TPI1: variants seen among roughly 807,000 people sequenced by gnomAD.
TPI1 encodes the protein triosephosphate isomerase 1, also known as triosephosphate isomerase.
Under a neutral mutation model 31.0 loss-of-function variants are expected in TPI1, and 11 were observed. The ratio of observed to expected loss-of-function variants is 0.36; its 90% CI spans 0.22 to 0.59. TPI1 has a LOEUF of 0.59. Ranked by LOEUF, TPI1 falls within the 20% of genes least tolerant of loss-of-function variation. TPI1 has a pLI of 0.79. For synonymous variants in TPI1, 121 were observed against 122.8 expected, an observed-to-expected ratio of 0.99 and a Z score of 0.10; for missense variants, 245 against 319.7, an observed-to-expected ratio of 0.77 and a Z score of 1.78.
In TPI1 at chr12:6,869,680, C is replaced by T. The variant is rs782759986; in HGVS notation, c.458-8C>T. ...ACCCTTCCCTCCATCTGTATCTCTG[C>T]CCTGCAGATAACGTGAAGGACTGGA... On this transcript the variant is annotated splice_polypyrimidine_tract_variant and splice_region_variant and intron_variant, in intron 4 of 6. Transcript: ENST00000396705. 1 of 1,614,104 alleles carries T rather than the reference C, an allele frequency of 6.2e-7. No homozygotes were observed. Among genetic ancestry groups the T allele is most frequent in the South Asian group, 1.1e-5 (1 of 91,086 alleles).
chr12:6,868,833 T>C (rs782419508), intron 1 of TPI1, 31 bp from the exon 2 acceptor site: 123 of 1,604,578 alleles, frequency 7.7e-5, no homozygotes, highest in Non-Finnish European at 1.0e-4. Flanking sequence ...TTCTTTAGTC[T>C]CATCCCCCTG....
intron 4 of TPI1, 48 bp downstream of exon 4, chr12:6,869,438 C>G: frequency 6.2e-7 from 1 of 1,613,168 alleles, no homozygotes; most frequent in Non-Finnish European, 8.5e-7. Context: ...GCCACAGAGA[C>G]TCAGAGGGTA....
Position 6,868,056 on chromosome 12 carries a change from T to C in TPI1, c.115+375T>C, listed in dbSNP as rs149223032. ...TGGGCCGCGTGGGCTTCCCGCTCCC[T>C]GCGCCCTGGCCTCCCGCGCCGTGCG... On this transcript the variant is annotated intron_variant, in intron 1 of 6. Coordinates refer to ENST00000396705, the MANE Select transcript of TPI1 (RefSeq NM_000365.6). 290 of 1,223,694 alleles carry C rather than the reference T, an allele frequency of 2.4e-4. 13 individuals are homozygous for C. The East Asian group carries it at 0.015, about 62-fold the overall frequency. 75.8% of individuals were successfully genotyped at this position (1,223,694 alleles called of 1,614,324 possible).
chr12:6,867,984 C>T (rs1289574479), intron 1 of TPI1: 8 of 1,037,590 alleles, frequency 7.7e-6, no homozygotes, highest in South Asian at 1.9e-5. Flanking sequence ...CGCCAGGCGA[C>T]GGGGTTAGGA....
rs150585849 is a variant in TPI1 at position 6,869,381 on chromosome 12, G to T, written c.448G>T (p.Val150Phe). Residue 150 changes from valine (V) to phenylalanine (F), a missense_variant, in exon 4 of 7, where the codon GTC becomes TTC. Around this residue, in one of 3 missense-constraint regions of TPI1, gnomAD observed 127 missense variants for 163.7 expected, o/e 0.78. Coordinates refer to ENST00000396705, the MANE Select transcript of TPI1 (RefSeq NM_000365.6). ...TEKVVFEQTK[V>F]IADNVKDWSK... is the part of the protein sequence containing the mutation. ...GAAGGTTGTTTTCGAGCAGACAAAGGTCATCGCAGGTATCTCTGGAGAAAG... is the reference window on the plus strand; with the variant it reads ...GAAGGTTGTTTTCGAGCAGACAAAGTTCATCGCAGGTATCTCTGGAGAAAG... 1,366 of 1,614,112 alleles carry T rather than the reference G, an allele frequency of 8.5e-4. 1 individual carries two copies. The highest frequency in any genetic ancestry group is 1.1e-3 in the Non-Finnish European group (1,249 of 1,180,008).
At chr12:6,867,759 CCCCGAGGCCCCGAGGCCGGT>C in intron 1 of TPI1, 78 bp downstream of exon 1, 2 of 1,347,786 alleles carry the variant, frequency 1.5e-6, no homozygotes, top group Admixed American at 5.9e-5. Context: ...TCTCCCGAGG[CCCCGAGGCCCCGAGGCCGGT>C]ATCCGCGCGG....
Position 6,868,995 on chromosome 12 carries a change from C to G in TPI1, c.239+8C>G, listed in dbSNP as rs782359362. 2 of 1,613,798 alleles carry G rather than the reference C, an allele frequency of 1.2e-6. No individual in the cohort carries two copies. Among genetic ancestry groups the G allele is most frequent in the African/African-American group, 1.3e-5 (1 of 74,842 alleles). ...TTTTACTGGGGAGATCAGGTGAGAT[C>G]GAGGTGGAGAGGGGTGTGTGGGACC... On this transcript the variant is annotated splice_region_variant and intron_variant, in intron 2 of 6. Transcript: ENST00000396705.
rs978929819 is a variant in TPI1 at position 6,870,783 on chromosome 12, C to G, written c.*400C>G. 8 of 511,524 alleles carry G rather than the reference C, an allele frequency of 1.6e-5. No individual in the cohort carries two copies. The highest frequency in any genetic ancestry group is 1.5e-4 in the African/African-American group (8 of 52,388). The allele number at this position is 511,524 out of a possible 1,614,324, so 31.7% of individuals were successfully genotyped here. A position where few individuals can be genotyped will look rare whatever the true frequency, so the allele number is the denominator to read the frequency against. ...CTCCCATGGTGCCCGTGCCTCTGTG[C>G]TGTGTATGTGAACCACCCATGTGAG... On this transcript the variant is annotated 3_prime_UTR_variant, in exon 7 of 7. Transcript: ENST00000396705.
chr12:6,869,947 C>T, intron 5 of TPI1, 102 bp from the exon 6 acceptor site: 2 of 1,447,448 alleles, frequency 1.4e-6, no homozygotes, highest in Non-Finnish European at 1.9e-6. Flanking sequence ...AGCCCTGGTA[C>T]TCTGACTCAG....
chr12:6,868,116 C>T (rs1555131756), intron 1 of TPI1: 2 of 1,271,488 alleles, frequency 1.6e-6, no homozygotes, highest in African/African-American at 3.1e-5. Context: ...TCCCCTTCCT[C>T]GCCGGCGTCC....
chr12:6,868,275 C>A (rs1944504675), intron 1 of TPI1: 1 of 1,287,520 alleles, frequency 7.8e-7, no homozygotes, highest in Non-Finnish European at 1.0e-6. Flanking sequence ...CATCCTACCG[C>A]TTTCCCCAAC....
intron 1 of TPI1, 64 bp downstream of exon 1, chr12:6,867,745 G>T (rs781867266): frequency 1.4e-6 from 2 of 1,468,044 alleles, no homozygotes; most frequent in South Asian, 1.4e-5. Flanking sequence ...GAGTGGCAGC[G>T]CCCTCTCCCG....
chr12:6,868,280 C>T, intron 1 of TPI1: 1 of 1,287,624 alleles, frequency 7.8e-7, no homozygotes, highest in African/African-American at 1.5e-5. Context: ...TACCGCTTTC[C>T]CCAACCTGGA....
intron 1 of TPI1, 127 bp from the exon 2 acceptor site, chr12:6,868,737 A>C (rs1474100789): frequency 9.5e-6 from 14 of 1,468,004 alleles, no homozygotes; most frequent in Non-Finnish European, 1.3e-5. Flanking sequence ...TGCTGGGGTG[A>C]AAAGGGGGAG....
intron 1 of TPI1, chr12:6,868,636 G>T: frequency 7.4e-7 from 1 of 1,357,636 alleles, no homozygotes; most frequent in Non-Finnish European, 9.8e-7. Flanking sequence ...CAGAGGGCAG[G>T]GTGAGGGCCG....
Position 6,870,907 on chromosome 12 carries a change from GC to G in TPI1, c.*525del. On this transcript the variant is annotated 3_prime_UTR_variant, in exon 7 of 7. Transcript: ENST00000396705. ...GGCAGCTATATAAATGATCATTTGT[GC>G]AAGAAAAAAAAAAAAACAAGAACAG... 1.6e-6 allele frequency: 1 copy of G among 606,412 alleles called. No individual in the cohort carries two copies. The highest frequency in any genetic ancestry group is 3.0e-6 in the Non-Finnish European group (1 of 338,312). 37.6% of individuals were successfully genotyped at this position (606,412 alleles called of 1,614,324 possible).
At chr12:6,870,004 TAGAG>T (rs782474817) in intron 5 of TPI1, 41 bp from the exon 6 acceptor site, 25 of 1,603,532 alleles carry the variant, frequency 1.6e-5, no homozygotes, top group Middle Eastern at 1.7e-4. Flanking sequence ...TTTTTCCTCT[TAGAG>T]AGGCAGAAAA....
In TPI1 at chr12:6,870,911, GAAAAA is replaced by G. The variant is rs201871949; in HGVS notation, c.*537_*541del. On this transcript the variant is annotated 3_prime_UTR_variant, in exon 7 of 7. Coordinates refer to ENST00000396705, the MANE Select transcript of TPI1 (RefSeq NM_000365.6). Reference sequence around the variant, plus strand: ...GCTATATAAATGATCATTTGTGCAAGAAAAAAAAAAAAACAAGAACAGGTTTCTAT... The same window carrying G: ...GCTATATAAATGATCATTTGTGCAAGAAAAAAAACAAGAACAGGTTTCTAT... The G allele has an allele frequency of 1.8e-6, 1 of 542,908 alleles. No individual in the cohort carries two copies. The highest frequency in any genetic ancestry group is 2.0e-5 in the African/African-American group (1 of 49,848). The allele number at this position is 542,908 out of a possible 1,614,324, so 33.6% of individuals were successfully genotyped here.
In TPI1 at chr12:6,870,121, C is replaced by T. The variant is rs201946216; in HGVS notation, c.616C>T (p.Arg206Cys). 1.1e-5 allele frequency: 18 copies of T among 1,614,070 alleles called. No homozygotes were observed. Among genetic ancestry groups the T allele is most frequent in the African/African-American group, 4.0e-5 (3 of 74,992 alleles). Residue 206 changes from arginine (R) to cysteine (C), a missense_variant, in exon 6 of 7, where the codon CGT becomes TGT. This residue lies in a region of TPI1 where 127 missense variants were observed against 163.7 expected (regional missense o/e 0.78). Coordinates refer to ENST00000396705, the MANE Select transcript of TPI1 (RefSeq NM_000365.6). ...NVSDAVAQST[R>C]IIYGGSVTGA... is the part of the protein sequence containing the mutation. ...CTCTGATGCGGTGGCTCAGAGCACC[C>T]GTATCATTTATGGAGGTGAGTGGCT...
Sources: gnomAD v4.1 joint callset for allele counts on GRCh38, gnomAD v4.1.1 for gene constraint, gnomAD v4.1.1 regional missense constraint, MANE v1.5 for transcripts, NCBI Gene and HGNC (gene_info 2026-07-23, HGNC 2026-07-21) for gene names.